The following S100Z variants were observed in gnomAD, a reference collection of about 807,000 sequenced individuals.
S100Z encodes protein S100-Z.
Under a neutral mutation model 8.5 loss-of-function variants are expected in S100Z, and 11 were observed. That is an observed-to-expected ratio of 1.30 (90% CI 0.82 to 2.15). The LOEUF is 2.15. S100Z is among the 30% of genes most tolerant of loss of function. The pLI, the probability that S100Z is intolerant of heterozygous loss-of-function variation, is 0.00. For synonymous variants in S100Z, 34 were observed against 43.8 expected, an observed-to-expected ratio of 0.78 and a Z score of 0.89; for missense variants, 126 against 117.9, an observed-to-expected ratio of 1.07 and a Z score of -0.32.
intron 4 of S100Z, among the ~76,000 whole-genome samples, chr5:76,889,616 C>A (rs962526929): frequency 6.6e-6 from 1 of 152,186 alleles, no homozygotes; most frequent in African/African-American, 2.4e-5. Flanking sequence ...AATTTCATGG[C>A]ATTTCTAAAA....
chr5:76,929,451 A>G, the S100Z span, among the ~76,000 whole-genome samples: 3 of 152,346 alleles, frequency 2.0e-5, no homozygotes, highest in East Asian at 1.9e-4. Flanking sequence ...GTCCTGATAC[A>G]TGCAGTAAAA....
intron 4 of S100Z, among the ~76,000 whole-genome samples, chr5:76,880,297 G>T (rs1358851501): frequency 6.6e-6 from 1 of 152,176 alleles, no homozygotes. Flanking sequence ...GGTCACATGG[G>T]ATATGATGGC....
chr5:76,938,016 C>CG, the S100Z span, among the ~76,000 whole-genome samples: 1 of 151,982 alleles, frequency 6.6e-6, no homozygotes, highest in African/African-American at 2.4e-5. Flanking sequence ...AGAGTTTGAA[C>CG]CCAGCAGGCA....
chr5:76,902,952 G>A (rs2150671888), intron 4 of S100Z, among the ~76,000 whole-genome samples: 1 of 152,332 alleles, frequency 6.6e-6, no homozygotes, highest in East Asian at 1.9e-4. Context: ...TTGGGAGGCT[G>A]AGGTGGGTGG....
At chr5:76,883,780 A>G (rs1219211665) in intron 4 of S100Z, among the ~76,000 whole-genome samples, 1 of 152,210 alleles carries the variant, frequency 6.6e-6, no homozygotes, top group Non-Finnish European at 1.5e-5. Context: ...CAGATGGGAC[A>G]TGGCTTAGGA....
At chr5:76,901,741 C>G (rs745534817) in intron 4 of S100Z, among the ~76,000 whole-genome samples, 1 of 152,136 alleles carries the variant, frequency 6.6e-6, no homozygotes, top group South Asian at 2.1e-4. Flanking sequence ...AGACAAAGTC[C>G]CCTTTACTTT....
At chr5:76,855,854 A>C (rs2434648) in intron 1 of S100Z, among the ~76,000 whole-genome samples, 1 of 151,952 alleles carries the variant, frequency 6.6e-6, no homozygotes, top group African/African-American at 2.4e-5. Flanking sequence ...GTCCCCATCA[A>C]ATCTCATGTT....
the S100Z span, among the ~76,000 whole-genome samples, chr5:76,929,629 G>A: frequency 5.3e-5 from 8 of 152,142 alleles, no homozygotes; most frequent in African/African-American, 1.9e-4. Flanking sequence ...GGAAGCTGGG[G>A]TCATTATGGT....
chr5:76,899,145 G>A (rs1744146412), intron 4 of S100Z, among the ~76,000 whole-genome samples: 1 of 151,854 alleles, frequency 6.6e-6, no homozygotes, highest in South Asian at 2.1e-4. Context: ...GTTTCTCCAG[G>A]CTGGCCTTGA....
At chr5:76,902,641 T>A (rs4703724) in intron 4 of S100Z, among the ~76,000 whole-genome samples, 1 of 151,694 alleles carries the variant, frequency 6.6e-6, no homozygotes, top group African/African-American at 2.4e-5. Flanking sequence ...TTTTTTGTTT[T>A]TTTTTTGTTG....
intron 4 of S100Z, among the ~76,000 whole-genome samples, chr5:76,882,233 G>A (rs1368747642): frequency 2.0e-5 from 3 of 152,164 alleles, no homozygotes; most frequent in African/African-American, 7.2e-5. Context: ...GCCTCTAAAA[G>A]TATTAAGGCA....
intron 4 of S100Z, among the ~76,000 whole-genome samples, chr5:76,911,299 G>A (rs927849670): frequency 1.3e-5 from 2 of 152,340 alleles, no homozygotes; most frequent in Admixed American, 6.5e-5. Flanking sequence ...CGAACGGTCA[G>A]TGGAGACTAG....
At chr5:76,952,876 T>G in the S100Z span, 1 of 516,676 alleles carries the variant, frequency 1.9e-6, no homozygotes, top group Non-Finnish European at 3.5e-6. Context: ...TGGTGAATAA[T>G]GCTGGGCCAC....
At chr5:76,885,058 A>G (rs1260469431) in intron 4 of S100Z, among the ~76,000 whole-genome samples, 2 of 152,220 alleles carry the variant, frequency 1.3e-5, no homozygotes, top group Admixed American at 6.5e-5. Context: ...TGGAGAAATC[A>G]TAAGTGCCGT....
chr5:76,936,494 TG>T, the S100Z span, among the ~76,000 whole-genome samples: 5 of 152,084 alleles, frequency 3.3e-5, no homozygotes, highest in African/African-American at 1.2e-4. Context: ...TTTAAAACCA[TG>T]AACATACAAT....
Position 76,862,918 on chromosome 5 carries a change from T to A in S100Z, c.-175-7248T>A, listed in dbSNP as rs538329199. ...ATTGTACCTTCTCTTAAGAAATCTG[T>A]GACTTCCTTACTCTGTTCTTTTGTT... is the stretch of plus-strand genomic sequence containing the variant. On this transcript the variant is annotated intron_variant, in intron 1 of 4. Transcript: ENST00000317593. Among the ~76,000 whole-genome samples the A allele has an allele frequency of 2.0e-5, 3 of 152,352 alleles. No individual in the cohort carries two copies. The East Asian group carries it at 5.8e-4, about 29-fold the overall frequency.
intron 1 of S100Z, among the ~76,000 whole-genome samples, chr5:76,856,832 A>C (rs1750894273): frequency 6.6e-6 from 1 of 152,184 alleles, no homozygotes; most frequent in African/African-American, 2.4e-5. Context: ...AAATTGAAAT[A>C]ATTTAATTTA....
At chr5:76,876,944 C>T (rs2150642689) in intron 3 of S100Z, among the ~76,000 whole-genome samples, 1 of 152,226 alleles carries the variant, frequency 6.6e-6, no homozygotes, top group South Asian at 2.1e-4. Context: ...CCTTGTCTTC[C>T]CTCTTCTCTT....
chr5:76,920,230 G>A (rs1177940041), intron 4 of S100Z, among the ~76,000 whole-genome samples: 1 of 152,020 alleles, frequency 6.6e-6, no homozygotes, highest in African/African-American at 2.4e-5. Flanking sequence ...TTTTAAATTG[G>A]GTGGTTTGTT....
Sources: gnomAD v4.1 joint callset for allele counts (sites outside exome capture counted in the v4.1 genomes callset) on GRCh38, gnomAD v4.1.1 for gene constraint, MANE v1.5 for transcripts, NCBI Gene and HGNC (gene_info 2026-07-23, HGNC 2026-07-21) for gene names.